The following CSMD1 variants were observed in gnomAD, a reference collection of about 807,000 sequenced individuals.
The protein encoded by CSMD1 is CUB and Sushi multiple domains 1.
CSMD1 carries 213 observed loss-of-function variants against 417.5 expected under a neutral mutation model. The observed-to-expected ratio is 0.51, with a 90% CI of 0.46 to 0.57. CSMD1 has a LOEUF of 0.57. CSMD1 is among the 20% of genes least tolerant of loss of function. The probability of loss-of-function intolerance (pLI) is 0.00; values close to 1 mark genes in which losing one functional copy is unlikely to be tolerated. For missense variants in CSMD1, 6,923 were observed against 4,529.7 expected (o/e 1.53, Z -15.17); for synonymous variants, 2,862 against 1,736.8 (o/e 1.65, Z -16.11).
intron 2 of CSMD1, among the ~76,000 whole-genome samples, chr8:4,442,099 G>A (rs944483291): frequency 7.9e-5 from 12 of 152,066 alleles, no homozygotes; most frequent in South Asian, 6.2e-4. Context: ...AACACGTGAC[G>A]AAATGCTTAT....
chr8:3,349,145 A>G (rs1053741840), intron 21 of CSMD1, among the ~76,000 whole-genome samples: 2 of 152,226 alleles, frequency 1.3e-5, no homozygotes, highest in African/African-American at 4.8e-5. Flanking sequence ...GAAACCAAGC[A>G]TCAGTTAGAT....
chr8:3,519,019 C>G (rs999089637), intron 10 of CSMD1, among the ~76,000 whole-genome samples: 2 of 152,280 alleles, frequency 1.3e-5, no homozygotes, highest in African/African-American at 4.8e-5. Context: ...AATTTGCAAG[C>G]TAACTTCTGT....
At chr8:3,995,890 C>T (rs139987375) in intron 5 of CSMD1, among the ~76,000 whole-genome samples, 1 of 152,282 alleles carries the variant, frequency 6.6e-6, no homozygotes, top group African/African-American at 2.4e-5. Context: ...ATAACTTTCC[C>T]ACCAGCTTCC....
chr8:3,135,803 G>A (rs1303671865), intron 41 of CSMD1, among the ~76,000 whole-genome samples: 1 of 152,202 alleles, frequency 6.6e-6, no homozygotes, highest in African/African-American at 2.4e-5. Context: ...GGCCCACCAA[G>A]AAAGTGTTCC....
intron 2 of CSMD1, among the ~76,000 whole-genome samples, chr8:4,427,051 GC>G (rs952857119): frequency 6.6e-6 from 1 of 152,068 alleles, no homozygotes; most frequent in African/African-American, 2.4e-5. Flanking sequence ...AGACGGAACA[GC>G]CCCAGAGAGC....
chr8:3,845,049 C>T (rs568500554), intron 5 of CSMD1, among the ~76,000 whole-genome samples: 18 of 152,078 alleles, frequency 1.2e-4, no homozygotes, highest in Non-Finnish European at 1.9e-4. Context: ...ATAAAGGTCT[C>T]CTGTGATTAG....
intron 10 of CSMD1, among the ~76,000 whole-genome samples, chr8:3,494,585 T>C (rs1429949346): frequency 6.6e-6 from 1 of 151,530 alleles, no homozygotes; most frequent in African/African-American, 2.4e-5. Flanking sequence ...GATAGATAGA[T>C]AGATAGATAG....
chr8:3,450,835 T>C (rs927399552), intron 12 of CSMD1, among the ~76,000 whole-genome samples: 1 of 151,856 alleles, frequency 6.6e-6, no homozygotes, highest in African/African-American at 2.4e-5. Flanking sequence ...TACCCAGTAA[T>C]GGGATGGCTG....
At chr8:4,504,381 T>C (rs1802413262) in intron 2 of CSMD1, among the ~76,000 whole-genome samples, 1 of 152,186 alleles carries the variant, frequency 6.6e-6, no homozygotes. Context: ...CTGATGAGTA[T>C]GTTCTGGAGA....
intron 10 of CSMD1, among the ~76,000 whole-genome samples, chr8:3,549,646 G>A (rs1464656477): frequency 6.6e-6 from 1 of 152,150 alleles, no homozygotes; most frequent in African/African-American, 2.4e-5. Context: ...CTAGCATGAT[G>A]GGAGAAATCT....
chr8:4,430,841 C>T (rs916682104), intron 2 of CSMD1, among the ~76,000 whole-genome samples: 6 of 152,108 alleles, frequency 3.9e-5, no homozygotes, highest in African/African-American at 7.2e-5. Context: ...ATACTTCACT[C>T]CAGTGTTGTC....
intron 10 of CSMD1, among the ~76,000 whole-genome samples, chr8:3,527,432 G>A (rs193235850): frequency 6.6e-6 from 1 of 152,162 alleles, no homozygotes; most frequent in Non-Finnish European, 1.5e-5. Context: ...TAGATTAGAG[G>A]TTGCTAAAGA....
chr8:4,841,930 A>AAAAAAAAAAACAAAAAAAAAAAAAAC (rs1192383183), intron 1 of CSMD1, among the ~76,000 whole-genome samples: 1 of 122,426 alleles, frequency 8.2e-6, no homozygotes, highest in Admixed American at 7.8e-5. Context: ...AAAAAAAAAA[A>AAAAAAAAAAACAAAAAAAAAAAAAAC]AAAAAAAAGT....
chr8:3,546,788 A>G (rs1408626883), intron 10 of CSMD1, among the ~76,000 whole-genome samples: 1 of 152,196 alleles, frequency 6.6e-6, no homozygotes, highest in Non-Finnish European at 1.5e-5. Flanking sequence ...TTTGAACAGG[A>G]TTCTGCAGCT....
chr8:3,559,025 T>C (rs553512512), intron 10 of CSMD1, among the ~76,000 whole-genome samples: 3 of 152,262 alleles, frequency 2.0e-5, no homozygotes, highest in Admixed American at 1.3e-4. Context: ...TGACCTGTCA[T>C]GAAAGATTGG....
chr8:4,295,487 A>C (rs1203843505), intron 3 of CSMD1, among the ~76,000 whole-genome samples: 1 of 142,048 alleles, frequency 7.0e-6, no homozygotes, highest in Non-Finnish European at 1.5e-5. Flanking sequence ...TATAATCTTA[A>C]GATTAAATAT....
chr8:3,066,135 G>C (rs2128996171), intron 49 of CSMD1, among the ~76,000 whole-genome samples: 1 of 152,316 alleles, frequency 6.6e-6, no homozygotes, highest in Non-Finnish European at 1.5e-5. Flanking sequence ...ATTGAGGTCT[G>C]TCCCTGCTTC....
chr8:2,981,967 G>A (rs1276906284), intron 54 of CSMD1, among the ~76,000 whole-genome samples: 2 of 152,104 alleles, frequency 1.3e-5, no homozygotes, highest in African/African-American at 4.8e-5. Flanking sequence ...GCCCTCGATA[G>A]GATTCTAGAG....
chr8:4,168,470 G>T (rs973610655), intron 3 of CSMD1, among the ~76,000 whole-genome samples: 1 of 151,830 alleles, frequency 6.6e-6, no homozygotes, highest in African/African-American at 2.4e-5. Context: ...TTAGAAAAGG[G>T]ATGTGGTAAA....
Sources: allele counts gnomAD v4.1 joint callset (sites outside exome capture counted in the v4.1 genomes callset), GRCh38; gene constraint gnomAD v4.1.1; transcripts MANE v1.5; gene names NCBI Gene and HGNC (gene_info 2026-07-23, HGNC 2026-07-21).